Variants in RBFOX1 observed in about 807,000 individuals in gnomAD.
RBFOX1 encodes RNA binding fox-1 homolog 1, also known as RNA binding protein fox-1 homolog 1.
RBFOX1 carries 8 observed loss-of-function variants against 57.7 expected under a neutral mutation model. The ratio of observed to expected loss-of-function variants is 0.14; its 90% CI spans 0.08 to 0.25. The LOEUF (loss-of-function observed/expected upper bound fraction) is 0.25, where lower values mean the gene tolerates loss of function less well. Among genes scored for constraint, RBFOX1 ranks in the 10% least tolerant of loss-of-function variants. RBFOX1 has a pLI of 1.00. For synonymous variants in RBFOX1, 326 were observed against 222.4 expected (o/e 1.47, Z -4.15); for missense variants, 611 against 548.5 (o/e 1.11, Z -1.14).
Position 5,437,580 on chromosome 16 carries a change from C to T in RBFOX1, c.220-29636C>T, listed in dbSNP as rs865779321. Among the ~76,000 whole-genome samples, 63 of 152,110 alleles carry T rather than the reference C, an allele frequency of 4.1e-4. 1 individual carries two copies. The highest frequency in any genetic ancestry group is 1.5e-3 in the African/African-American group (63 of 41,432). ...CTAATGGATGCAAACTTAAAAATTG[C>T]ACTAAAAATTGTTTTTAAAGAGTAT... On this transcript the variant is annotated intron_variant, in intron 1 of 2. Coordinates refer to the RBFOX1 transcript ENST00000585867.
intron 4 of RBFOX1, among the ~76,000 whole-genome samples, chr16:7,156,426 CA>C (rs1202953901): frequency 6.6e-6 from 1 of 151,728 alleles, no homozygotes; most frequent in Non-Finnish European, 1.5e-5. Flanking sequence ...TATAGTTGTA[CA>C]TACACATGTA....
chr16:7,290,386 T>TA (rs1314249062), intron 4 of RBFOX1, among the ~76,000 whole-genome samples: 3 of 152,210 alleles, frequency 2.0e-5, no homozygotes, highest in African/African-American at 7.2e-5. Flanking sequence ...ATGCAGAAGG[T>TA]AATTTTTTAA....
chr16:5,464,393 A>C (rs2068890026), intron 1 of RBFOX1, among the ~76,000 whole-genome samples: 2 of 152,192 alleles, frequency 1.3e-5, no homozygotes, highest in African/African-American at 2.4e-5. Context: ...AGAAAGGAGG[A>C]AACGCCTTAG....
chr16:6,541,210 C>CTTA (rs1305063156), intron 2 of RBFOX1, among the ~76,000 whole-genome samples: 2 of 152,170 alleles, frequency 1.3e-5, no homozygotes, highest in Non-Finnish European at 2.9e-5. Context: ...GTCCTCCTGT[C>CTTA]TTAGGCTCTG....
chr16:6,132,725 A>G (rs974705494), intron 1 of RBFOX1, among the ~76,000 whole-genome samples: 2 of 152,188 alleles, frequency 1.3e-5, no homozygotes, highest in African/African-American at 2.4e-5. Flanking sequence ...CTATGTAAAA[A>G]TAAGTTATAT....
chr16:5,731,418 T>A (rs1486259658), intron 3 of RBFOX1, among the ~76,000 whole-genome samples: 3 of 152,176 alleles, frequency 2.0e-5, no homozygotes, highest in Non-Finnish European at 4.4e-5. Flanking sequence ...ACCTGCAGCA[T>A]CTCAGTCATT....
At chr16:5,910,199 G>C (rs887603131) in intron 4 of RBFOX1, among the ~76,000 whole-genome samples, 1 of 152,170 alleles carries the variant, frequency 6.6e-6, no homozygotes, top group Non-Finnish European at 1.5e-5. Flanking sequence ...GTCACCAAAG[G>C]TTCTCAGAAT....
At chr16:7,320,203 A>C (rs954711615) in intron 4 of RBFOX1, among the ~76,000 whole-genome samples, 1 of 152,092 alleles carries the variant, frequency 6.6e-6, no homozygotes, top group East Asian at 1.9e-4. Context: ...CATGTTCATC[A>C]GCTATTTATC....
intron 5 of RBFOX1, among the ~76,000 whole-genome samples, chr16:7,518,963 C>T (rs1390748840): frequency 1.3e-5 from 2 of 152,156 alleles, no homozygotes; most frequent in Non-Finnish European, 2.9e-5. Context: ...TTTGAGGCTG[C>T]AGTGAGCTAA....
chr16:6,032,898 T>TTC (rs138386184), intron 1 of RBFOX1, among the ~76,000 whole-genome samples: 21 of 150,734 alleles, frequency 1.4e-4, no homozygotes, highest in African/African-American at 4.4e-4. Flanking sequence ...TTTTTTTTTT[T>TTC]CCCTCTCTCC....
chr16:7,183,452 G>T (rs745707289), intron 4 of RBFOX1, among the ~76,000 whole-genome samples: 1 of 152,138 alleles, frequency 6.6e-6, no homozygotes, highest in Non-Finnish European at 1.5e-5. Flanking sequence ...TTTCTCTATT[G>T]TTATTAAATA....
At chr16:6,741,144 G>C (rs1321140326) in intron 3 of RBFOX1, among the ~76,000 whole-genome samples, 1 of 152,070 alleles carries the variant, frequency 6.6e-6, no homozygotes, top group Non-Finnish European at 1.5e-5. Context: ...CAACAATGGT[G>C]CTGGAACAAT....
At chr16:7,703,238 T>C (rs1301434019) in intron 14 of RBFOX1, among the ~76,000 whole-genome samples, 3 of 152,238 alleles carry the variant, frequency 2.0e-5, no homozygotes, top group Non-Finnish European at 2.9e-5. Context: ...CCTAATTGCA[T>C]TGCAGAGACC....
chr16:7,271,303 G>A (rs1221857043), intron 4 of RBFOX1, among the ~76,000 whole-genome samples: 1 of 151,418 alleles, frequency 6.6e-6, no homozygotes, highest in Non-Finnish European at 1.5e-5. Context: ...CTTCCTAGCT[G>A]CAAAAAGACG....
At chr16:5,986,904 C>T (rs950209964) in intron 4 of RBFOX1, among the ~76,000 whole-genome samples, 12 of 152,110 alleles carry the variant, frequency 7.9e-5, no homozygotes, top group African/African-American at 1.7e-4. Context: ...GTACAACTGC[C>T]GGATCGTGTG....
chr16:5,676,934 T>C (rs1030264163), intron 3 of RBFOX1, among the ~76,000 whole-genome samples: 1 of 152,260 alleles, frequency 6.6e-6, no homozygotes, highest in Non-Finnish European at 1.5e-5. Flanking sequence ...TTGACTTTTA[T>C]ATTTGTACAT....
intron 12 of RBFOX1, among the ~76,000 whole-genome samples, chr16:7,664,524 A>G (rs899268294): frequency 3.9e-5 from 6 of 152,190 alleles, no homozygotes; most frequent in Non-Finnish European, 7.3e-5. Context: ...ATTTTTAAAT[A>G]GATGTTTTGG....
At chr16:6,982,993 TAAAAAAA>T (rs370173635) in intron 3 of RBFOX1, among the ~76,000 whole-genome samples, 3,294 of 79,374 alleles carry the variant, frequency 0.041, 153 homozygotes, top group African/African-American at 0.14. Context: ...AGACTCTGTC[TAAAAAAA>T]AAAAAAAAAA....
chr16:6,433,316 A>T (rs1435593936), intron 2 of RBFOX1, among the ~76,000 whole-genome samples: 1 of 152,194 alleles, frequency 6.6e-6, no homozygotes, highest in African/African-American at 2.4e-5. Context: ...GTTCTGTTGG[A>T]TGAGCAACTT....
Sources: allele counts gnomAD v4.1 joint callset (sites outside exome capture counted in the v4.1 genomes callset), GRCh38; gene constraint gnomAD v4.1.1; transcripts MANE v1.5; gene names NCBI Gene and HGNC (gene_info 2026-07-23, HGNC 2026-07-21).